DDX51: variants seen among roughly 807,000 people sequenced by gnomAD.
DDX51 encodes the protein DEAD-box helicase 51, also known as ATP-dependent RNA helicase DDX51.
DDX51 carries 67 observed loss-of-function variants against 74.6 expected under a neutral mutation model. The ratio of observed to expected loss-of-function variants is 0.90; its 90% CI spans 0.74 to 1.10. DDX51 has a LOEUF of 1.10. Among genes scored for constraint, DDX51 ranks in the 50% least tolerant of loss-of-function variants. The pLI is 0.00. For synonymous variants in DDX51, 545 were observed against 402.9 expected, an observed-to-expected ratio of 1.35 and a Z score of -4.22; for missense variants, 1,056 against 905.2, an observed-to-expected ratio of 1.17 and a Z score of -2.14.
Position 132,140,917 on chromosome 12 carries a change from A to G in DDX51, c.1354T>C (p.Phe452Leu). Residue 452 changes from phenylalanine (F) to leucine (L), a missense_variant, in exon 9 of 15, where the codon TTC becomes CTC. Physicochemically the swap from Phe to Leu is conservative, Grantham distance 22. Transcript: ENST00000397333. ...CCCCTGTGTGCTAGCCCTGTGGAGA[A>G]AAGCCGGGGCTGGTGGAGGCCCAGC... ...QQLGLHQPRL[F>L]STGLAHRGLE... is the part of the protein sequence containing the mutation. 2 of 1,613,374 alleles carry G rather than the reference A, an allele frequency of 1.2e-6. No individual in the cohort carries two copies. Among genetic ancestry groups the G allele is most frequent in the Non-Finnish European group, 1.7e-6 (2 of 1,179,944 alleles).
At chr12:132,142,499 G>A (rs1181737557) in intron 3 of DDX51, 77 bp from the exon 4 acceptor site, 40 of 1,554,232 alleles carry the variant, frequency 2.6e-5, no homozygotes, top group Non-Finnish European at 2.9e-5. Context: ...TGTGACCTCT[G>A]GGCTGGGCTG....
chr12:132,143,414 C>G (rs1000521431), intron 2 of DDX51: 77 of 549,184 alleles, frequency 1.4e-4, no homozygotes, highest in Non-Finnish European at 2.6e-5. Flanking sequence ...ACTCCTGAGG[C>G]GGTGAGCGCA....
chr12:132,142,757 C>G lies in DDX51; in HGVS notation c.641G>C (p.Arg214Pro), dbSNP rs750959146. The G allele has an allele frequency of 6.2e-7, 1 of 1,612,968 alleles. No individual in the cohort carries two copies. The highest frequency in any genetic ancestry group is 2.2e-5 in the East Asian group (1 of 44,880). ...DVHPDLQKQL[R>P]AHGISSYFPV... ...AAAGTAGGACGAGATGCCGTGTGCCCGCAGCTGCTTCTGCAGGTCAGGATG... is the reference window on the plus strand; with the variant it reads ...AAAGTAGGACGAGATGCCGTGTGCCGGCAGCTGCTTCTGCAGGTCAGGATG... The change falls in exon 3 of 15, where the codon CGG (arginine) becomes CCG (proline). Residue 214 changes from arginine (R) to proline (P), a missense_variant. Physicochemically the swap from Arg to Pro is moderately radical, Grantham distance 103. Transcript: ENST00000397333.
intron 14 of DDX51, 91 bp downstream of exon 14, chr12:132,139,544 C>T (rs74434376): frequency 0.037 from 59,907 of 1,609,882 alleles, 1,302 homozygotes; most frequent in Admixed American, 0.062. Context: ...TCGCTTTCCT[C>T]TTTTTCCCTC....
intron 2 of DDX51, chr12:132,143,459 C>T: frequency 3.3e-6 from 2 of 603,092 alleles, no homozygotes; most frequent in Non-Finnish European, 5.6e-6. Context: ...GCAAACACAT[C>T]TTGCAGAACT....
At position 132,144,237 on chromosome 12, in the gene DDX51, C is replaced by T. The variant is rs1419806633; in HGVS notation, c.60G>A (p.Pro20=). The change falls in exon 1 of 15, where the codon CCG becomes CCA. Residue 20 remains proline (P), a synonymous_variant. Coordinates refer to ENST00000397333, the MANE Select transcript of DDX51 (RefSeq NM_175066.4). ...CGTGCGCCCCGGCCTCCGCGCCCTCCGGCCCCGCCGCAGCTGCCGCATCGG... is the reference window on the plus strand; with the variant it reads ...CGTGCGCCCCGGCCTCCGCGCCCTCTGGCCCCGCCGCAGCTGCCGCATCGG... ...PGPDAAAAAG[P]EGAEAGAHGR... is the part of the protein sequence containing the mutation. 8 of 1,228,352 alleles carry T rather than the reference C, an allele frequency of 6.5e-6. No individual in the cohort carries two copies. Among genetic ancestry groups the T allele is most frequent in the Non-Finnish European group, 8.1e-6 (8 of 985,396 alleles). 76.1% of individuals were successfully genotyped at this position (1,228,352 alleles called of 1,614,324 possible). A position where few individuals can be genotyped will look rare whatever the true frequency, so the allele number is the denominator to read the frequency against.
Position 132,136,698 on chromosome 12 carries a change from T to C in DDX51, c.*2574A>G, listed in dbSNP as rs1356790996. The C allele has an allele frequency of 6.6e-6, 1 of 152,290 alleles. No homozygotes were observed. Among genetic ancestry groups the C allele is most frequent in the Non-Finnish European group, 1.5e-5 (1 of 68,142 alleles). 9.4% of individuals were successfully genotyped at this position (152,290 alleles called of 1,614,324 possible). ...AGTAAAGATGTCAAGGTTTCTTTTT[T>C]TTCTGTCGCCAGGCTGCAGTGCAGT... On this transcript the variant is annotated 3_prime_UTR_variant, in exon 15 of 15. Coordinates refer to ENST00000397333, the MANE Select transcript of DDX51 (RefSeq NM_175066.4).
rs1213306030 is a variant in DDX51 at position 132,139,504 on chromosome 12, G to C, written c.1974+131C>G. On this transcript the variant is annotated intron_variant, in intron 14 of 14. Transcript: ENST00000397333. ...CCCCGCCCTTGGGCCAGAAGCTCGAGGACAACCTGTGTGACCCTCTGTTGC... is the reference window on the plus strand; with the variant it reads ...CCCCGCCCTTGGGCCAGAAGCTCGACGACAACCTGTGTGACCCTCTGTTGC... 2.5e-6 allele frequency: 4 copies of C among 1,580,916 alleles called. No homozygotes were observed. The African/African-American group carries it at 5.4e-5, about 21-fold the overall frequency.
Position 132,139,308 on chromosome 12 carries a change from A to G in DDX51, c.1975-10T>C. The G allele has an allele frequency of 1.2e-6, 2 of 1,607,848 alleles. No homozygotes were observed. Among genetic ancestry groups the G allele is most frequent in the Admixed American group, 1.7e-5 (1 of 59,640 alleles). ...TCTGCTTGCGCTCTTCCTGTGGAGG[A>G]AAGGGGAGGGCTCAGCACCACACAC... On this transcript the variant is annotated splice_polypyrimidine_tract_variant and intron_variant, in intron 14 of 14. Transcript: ENST00000397333.
In DDX51 at chr12:132,139,719, C is replaced by T; in HGVS notation, c.1890G>A (p.Gln630=). The T allele has an allele frequency of 6.2e-7, 1 of 1,613,086 alleles. No homozygotes were observed. The highest frequency in any genetic ancestry group is 8.5e-7 in the Non-Finnish European group (1 of 1,180,020). Reference sequence around the variant, plus strand: ...GCAGCTTGCTGGAGAGCTCGTGCCGCTGCAACTCAGGTGCCCCAGCTTCAG... The same window carrying T: ...GCAGCTTGCTGGAGAGCTCGTGCCGTTGCAACTCAGGTGCCCCAGCTTCAG... ...MLTEAGAPEL[Q]RHELSSKLLQ... is the part of the protein sequence containing the mutation. Residue 630 remains glutamine, a synonymous_variant, in exon 14 of 15, where the codon CAG becomes CAA. Coordinates refer to ENST00000397333, the MANE Select transcript of DDX51 (RefSeq NM_175066.4).
Position 132,140,994 on chromosome 12 carries a change from T to C in DDX51, c.1277A>G (p.Gln426Arg), listed in dbSNP as rs375711042. The change falls in exon 9 of 15, where the codon CAG (glutamine) becomes CGG (arginine). Residue 426 changes from glutamine (Q) to arginine (R), a missense_variant. By Grantham distance (43) the Gln-to-Arg change is conservative. Coordinates refer to ENST00000397333, the MANE Select transcript of DDX51 (RefSeq NM_175066.4). ...ASTCCPQMPLQKLLFSATLTQ... is the reference protein window; with the variant it reads ...ASTCCPQMPLRKLLFSATLTQ... Reference sequence around the variant, plus strand: ...CAGAGTAGCTGAGAAGAGCAGCTTCTGCAGGGGCATCTGGGGACAGCAGGT... The same window carrying C: ...CAGAGTAGCTGAGAAGAGCAGCTTCCGCAGGGGCATCTGGGGACAGCAGGT... 1 of 1,603,420 alleles carries C rather than the reference T, an allele frequency of 6.2e-7. No individual in the cohort carries two copies. Among genetic ancestry groups the C allele is most frequent in the African/African-American group, 1.3e-5 (1 of 74,148 alleles).
In DDX51 at chr12:132,143,796, T is replaced by C; in HGVS notation, c.418A>G (p.Ser140Gly). The change falls in exon 2 of 15, where the codon AGC (serine) becomes GGC (glycine). Residue 140 changes from serine to glycine, a missense_variant. Ser to Gly is a moderately conservative substitution (Grantham distance 56). Coordinates refer to ENST00000397333, the MANE Select transcript of DDX51 (RefSeq NM_175066.4). ...EAPGERSTSA[S>G]AEAAPDGPAL... Reference sequence around the variant, plus strand: ...GGTCCATCTGGGGCCGCCTCGGCGCTGGCGCTGGTGCTGCGCTCCCCCGGC... The same window carrying C: ...GGTCCATCTGGGGCCGCCTCGGCGCCGGCGCTGGTGCTGCGCTCCCCCGGC... 6.6e-7 allele frequency: 1 copy of C among 1,522,016 alleles called. No homozygotes were observed. The highest frequency in any genetic ancestry group is 2.6e-5 in the East Asian group (1 of 39,096). 94.3% of individuals were successfully genotyped at this position (1,522,016 alleles called of 1,614,324 possible).
chr12:132,140,457 T>A lies in DDX51; in HGVS notation c.1639A>T (p.Ile547Phe). Residue 547 changes from isoleucine (I) to phenylalanine (F), a missense_variant, in exon 11 of 15, where the codon ATC (isoleucine) becomes TTC (phenylalanine). Physicochemically the swap from Ile to Phe is conservative, Grantham distance 21. Transcript: ENST00000397333. Reference sequence around the variant, plus strand: ...TTCCCCTGTTCAAACTGCTTCAGGATCATCCTCCTCTGGCCAGGCCCGTAG... The same window carrying A: ...TTCCCCTGTTCAAACTGCTTCAGGAACATCCTCCTCTGGCCAGGCCCGTAG... ...SRYGPGQRRM[I>F]LKQFEQGKIQ... 4 of 1,613,188 alleles carry A rather than the reference T, an allele frequency of 2.5e-6. No homozygotes were observed. The highest frequency in any genetic ancestry group is 3.4e-6 in the Non-Finnish European group (4 of 1,180,012).
At chr12:132,143,423 C>T in intron 2 of DDX51, 1 of 560,190 alleles carries the variant, frequency 1.8e-6, no homozygotes, top group Non-Finnish European at 3.1e-6. Flanking sequence ...GCGGTGAGCG[C>T]ACAGCAGGAA....
chr12:132,139,097 G>C lies in DDX51; in HGVS notation c.*175C>G, dbSNP rs1897352517. 3 of 889,716 alleles carry C rather than the reference G, an allele frequency of 3.4e-6. No homozygotes were observed. The highest frequency in any genetic ancestry group is 5.1e-6 in the Non-Finnish European group (3 of 588,860). The allele number at this position is 889,716 out of a possible 1,614,324, so 55.1% of individuals were successfully genotyped here. A position where few individuals can be genotyped will look rare whatever the true frequency, so the allele number is the denominator to read the frequency against. On this transcript the variant is annotated 3_prime_UTR_variant, in exon 15 of 15. Coordinates refer to ENST00000397333, the MANE Select transcript of DDX51 (RefSeq NM_175066.4). The stretch of plus-strand genomic sequence containing the variant: ...AGCCCTGAAGTCTCCAGTCGGGGCA[G>C]GTGCTTGAGCTCTGACGCCCGGGCT...
At position 132,140,639 on chromosome 12, in the gene DDX51, A is replaced by G; in HGVS notation, c.1537T>C (p.Ser513Pro). The change falls in exon 10 of 15, where the codon TCC becomes CCC. Residue 513 changes from serine (S) to proline (P), a missense_variant. Transcript: ENST00000397333. ...CCTCACCTGTGGGAGTTCTCTCGGG[A>G]GTTAGTGAAGCAGAGAACCCTCGAG... ...GFSRVLCFTNSRENSHRLFLL... is the reference protein window; with the variant it reads ...GFSRVLCFTNPRENSHRLFLL... The G allele has an allele frequency of 6.2e-7, 1 of 1,612,802 alleles. No homozygotes were observed. The highest frequency in any genetic ancestry group is 8.5e-7 in the Non-Finnish European group (1 of 1,179,992).
At chr12:132,142,646 G>T in intron 3 of DDX51, 82 bp downstream of exon 3, 1 of 1,564,460 alleles carries the variant, frequency 6.4e-7, no homozygotes, top group Admixed American at 1.7e-5. Flanking sequence ...TGGCAGGGAC[G>T]CCTGACCCAC....
At chr12:132,143,969 G>A (rs1354730275) in intron 1 of DDX51, 24 bp downstream of exon 1, 9 of 1,438,460 alleles carry the variant, frequency 6.3e-6, no homozygotes, top group Admixed American at 5.9e-5. Context: ...GCCCCAGAGG[G>A]AGCCCGCTCG....
At chr12:132,143,593 G>C (rs1441759596) in intron 2 of DDX51, 102 bp downstream of exon 2, 18 of 1,440,088 alleles carry the variant, frequency 1.2e-5, no homozygotes, top group Non-Finnish European at 1.6e-5. Context: ...CTGTGACCCG[G>C]GAACATTCGC....
Sources: gnomAD v4.1 joint callset for allele counts on GRCh38, gnomAD v4.1.1 for gene constraint, MANE v1.5 for transcripts, NCBI Gene and HGNC (gene_info 2026-07-23, HGNC 2026-07-21) for gene names.